Variants in DMD observed in about 807,000 individuals in gnomAD.
The protein encoded by DMD is dystrophin.
A neutral mutation model predicts 330.1 loss-of-function variants in DMD; 63 were observed. The observed-to-expected ratio is 0.19, with a 90% CI of 0.16 to 0.24. The LOEUF (loss-of-function observed/expected upper bound fraction) is 0.24. Among genes scored for constraint, DMD ranks in the 10% least tolerant of loss-of-function variants. The probability of loss-of-function intolerance (pLI) is 1.00; values close to 1 mark genes in which losing one functional copy is unlikely to be tolerated. For synonymous variants in DMD, 1,223 were observed against 959.8 expected (o/e 1.27, Z -5.07); for missense variants, 3,344 against 2,684.1 (o/e 1.25, Z -5.43).
chrX:32,045,343 T>TC, intron 44 of DMD, among the ~76,000 whole-genome samples: 1 of 103,204 alleles, frequency 9.7e-6, no homozygotes, highest in African/African-American at 3.7e-5. Flanking sequence ...AGCGATCTGT[T>TC]TTGTTTTTTT....
chrX:32,924,787 T>C (rs907516488), intron 2 of DMD, among the ~76,000 whole-genome samples: 1 of 111,190 alleles, frequency 9.0e-6, no homozygotes, highest in Admixed American at 9.6e-5. Flanking sequence ...TACTTGGAAA[T>C]TGGCTGGGAC....
intron 47 of DMD, among the ~76,000 whole-genome samples, chrX:31,913,603 T>C (rs769370734): frequency 4.2e-4 from 47 of 111,545 alleles, no homozygotes; most frequent in Non-Finnish European, 8.3e-4. Flanking sequence ...AAAACAATTA[T>C]GTAAATTATT....
intron 74 of DMD, among the ~76,000 whole-genome samples, chrX:31,151,502 T>C (rs2037411123): frequency 8.9e-6 from 1 of 112,293 alleles, no homozygotes; most frequent in African/African-American, 3.2e-5. Flanking sequence ...TTCCTTGGTA[T>C]CTTGATCCTG....
At chrX:31,557,188 A>T (rs951850916) in intron 55 of DMD, among the ~76,000 whole-genome samples, 1 of 111,940 alleles carries the variant, frequency 8.9e-6, no homozygotes, top group African/African-American at 3.2e-5. Flanking sequence ...TTCAATAATT[A>T]GGGTATTGGC....
intron 2 of DMD, among the ~76,000 whole-genome samples, chrX:32,889,458 G>A (rs1461500345): frequency 9.0e-6 from 1 of 110,584 alleles, no homozygotes; most frequent in Non-Finnish European, 1.9e-5. Flanking sequence ...TCCTGGCACT[G>A]TATCAGTGTC....
chrX:31,614,361 T>A (rs2078084641), intron 55 of DMD, among the ~76,000 whole-genome samples: 1 of 111,991 alleles, frequency 8.9e-6, no homozygotes, highest in African/African-American at 3.2e-5. Context: ...GAGAATAATA[T>A]ATTTGCAAAG....
chrX:32,794,457 C>T (rs1298487775), intron 7 of DMD, among the ~76,000 whole-genome samples: 1 of 111,260 alleles, frequency 9.0e-6, no homozygotes, highest in Non-Finnish European at 1.9e-5. Flanking sequence ...GGCATGGTGG[C>T]AGATGCCTGT....
intron 1 of DMD, among the ~76,000 whole-genome samples, chrX:33,218,681 G>A (rs900825865): frequency 2.7e-5 from 3 of 111,606 alleles, no homozygotes; most frequent in African/African-American, 6.5e-5. Context: ...CAATCATTAT[G>A]TGCTTGAGTA....
At chrX:32,588,078 T>C (rs1368989331) in intron 13 of DMD, among the ~76,000 whole-genome samples, 1 of 111,846 alleles carries the variant, frequency 8.9e-6, no homozygotes, top group East Asian at 2.8e-4. Context: ...GTCAAAAAAA[T>C]CTTTCTTGGA....
At chrX:32,317,014 T>C (rs1478285071) in intron 41 of DMD, among the ~76,000 whole-genome samples, 1 of 111,301 alleles carries the variant, frequency 9.0e-6, no homozygotes. Context: ...TCCTTTTCAT[T>C]TGAATTTCAT....
intron 55 of DMD, among the ~76,000 whole-genome samples, chrX:31,523,696 G>T (rs1211980066): frequency 8.9e-6 from 1 of 112,312 alleles, no homozygotes; most frequent in Non-Finnish European, 1.9e-5. Context: ...TCAGCCAGGG[G>T]CCTGCCTGTG....
chrX:32,900,941 G>A (rs904585699), intron 2 of DMD, among the ~76,000 whole-genome samples: 6 of 110,906 alleles, frequency 5.4e-5, no homozygotes, highest in African/African-American at 2.0e-4. Context: ...AAGCCAAAAT[G>A]ATGAAAATGC....
At chrX:32,275,568 A>G (rs2097382915) in intron 43 of DMD, among the ~76,000 whole-genome samples, 1 of 112,234 alleles carries the variant, frequency 8.9e-6, no homozygotes, top group South Asian at 3.7e-4. Flanking sequence ...ATAAATTTTT[A>G]AATACTTTCA....
At chrX:31,598,833 T>G (rs990639715) in intron 55 of DMD, among the ~76,000 whole-genome samples, 4 of 112,069 alleles carry the variant, frequency 3.6e-5, no homozygotes, top group Non-Finnish European at 7.5e-5. Context: ...AGGATTGAAC[T>G]GTCAATAAAG....
At chrX:32,231,525 CTCTG>C (rs1438896802) in intron 43 of DMD, among the ~76,000 whole-genome samples, 5 of 112,048 alleles carry the variant, frequency 4.5e-5, no homozygotes, top group Non-Finnish European at 7.5e-5. Context: ...AGATTAAGAT[CTCTG>C]TCTATCTTTG....
chrX:33,310,262 T>C (rs1343570264), intron 1 of DMD, among the ~76,000 whole-genome samples: 1 of 111,624 alleles, frequency 9.0e-6, no homozygotes, highest in East Asian at 2.8e-4. Context: ...TGTAGCTGCC[T>C]AATGGTTTTG....
chrX:33,304,395 C>G (rs1042545511), intron 1 of DMD, among the ~76,000 whole-genome samples: 2 of 111,391 alleles, frequency 1.8e-5, no homozygotes, highest in African/African-American at 3.3e-5. Flanking sequence ...CCCTTCCTCA[C>G]ACCTTATACA....
intron 11 of DMD, among the ~76,000 whole-genome samples, chrX:32,630,618 G>A (rs978408752): frequency 3.6e-5 from 4 of 111,065 alleles, no homozygotes; most frequent in Admixed American, 9.6e-5. Flanking sequence ...ACTCGTCTCT[G>A]ACGCATTCTT....
At chrX:32,452,681 A>AG (rs1424147969) in intron 26 of DMD, among the ~76,000 whole-genome samples, 1 of 110,945 alleles carries the variant, frequency 9.0e-6, no homozygotes, top group African/African-American at 3.3e-5. Context: ...AGTACCTTCT[A>AG]GCTCTCACAT....
Sources: gnomAD v4.1 joint callset for allele counts (sites outside exome capture counted in the v4.1 genomes callset) on GRCh38, gnomAD v4.1.1 for gene constraint, MANE v1.5 for transcripts, NCBI Gene and HGNC (gene_info 2026-07-23, HGNC 2026-07-21) for gene names.